The following FYCO1 variants were observed in gnomAD, a reference collection of about 807,000 sequenced individuals.
FYCO1 encodes FYVE and coiled-coil domain autophagy adaptor 1.
Under a neutral mutation model 165.1 loss-of-function variants are expected in FYCO1, and 122 were observed. The ratio of observed to expected loss-of-function variants is 0.74; its 90% CI spans 0.64 to 0.86. The LOEUF is 0.86. Ranked by LOEUF, FYCO1 falls within the 40% of genes least tolerant of loss-of-function variation. The probability of loss-of-function intolerance (pLI) is 0.00; values close to 1 mark genes in which losing one functional copy is unlikely to be tolerated. For synonymous variants in FYCO1, 648 were observed against 742.5 expected, an observed-to-expected ratio of 0.87 and a Z score of 2.07; for missense variants, 1,702 against 1,810.3, an observed-to-expected ratio of 0.94 and a Z score of 1.09.
intron 14 of FYCO1, among the ~76,000 whole-genome samples, chr3:45,937,992 T>A (rs1325015841): frequency 6.6e-6 from 1 of 152,144 alleles, no homozygotes; most frequent in Non-Finnish European, 1.5e-5. Context: ...CAGGCCTGCT[T>A]TTGTTTGCTT....
intron 14 of FYCO1, among the ~76,000 whole-genome samples, chr3:45,942,652 T>G (rs1267125100): frequency 6.6e-6 from 1 of 152,192 alleles, no homozygotes; most frequent in African/African-American, 2.4e-5. Flanking sequence ...ATGCCTCCAA[T>G]TCCTGCCTTC....
intron 10 of FYCO1, among the ~76,000 whole-genome samples, chr3:45,963,727 C>T (rs1705832281): frequency 1.3e-5 from 2 of 152,214 alleles, no homozygotes; most frequent in Non-Finnish European, 2.9e-5. Context: ...CCCATGACCA[C>T]ATGGTGGACT....
chr3:45,971,299 GA>G (rs367601131), intron 6 of FYCO1, among the ~76,000 whole-genome samples: 268 of 152,292 alleles, frequency 1.8e-3, no homozygotes, highest in African/African-American at 6.1e-3. Flanking sequence ...AATGGAGTTA[GA>G]AAATCACTCT....
Position 45,964,529 on chromosome 3 carries a change from C to T in FYCO1, c.3151-75G>A. The T allele has an allele frequency of 1.3e-6, 2 of 1,596,454 alleles. No homozygotes were observed. Among genetic ancestry groups the T allele is most frequent in the Non-Finnish European group, 1.7e-6 (2 of 1,172,224 alleles). ...AACGTACCATAAAGTGGCTGGTGTG[C>T]CATCCACCCCATCTGGCTGGGTCAC... On this transcript the variant is annotated intron_variant, in intron 9 of 17. Coordinates refer to ENST00000296137, the MANE Select transcript of FYCO1 (RefSeq NM_024513.4). The surrounding 1 kb of genome is among the most constrained non-coding windows in gnomAD (Gnocchi z 4.1).
In FYCO1 at chr3:45,967,124, C is replaced by T. The variant is rs1163626388; in HGVS notation, c.2210G>A (p.Cys737Tyr). 1.2e-6 allele frequency: 2 copies of T among 1,613,772 alleles called. No homozygotes were observed. Among genetic ancestry groups the T allele is most frequent in the Non-Finnish European group, 1.7e-6 (2 of 1,179,888 alleles). The change falls in exon 8 of 18, where the codon TGC (cysteine) becomes TAC (tyrosine). Residue 737 changes from cysteine to tyrosine, a missense_variant. Cys to Tyr is a radical substitution (Grantham distance 194, BLOSUM62 -2). Transcript: ENST00000296137. ...HRELRALESQ[C>Y]QQQTQLIEVL... ...CTCAATCAGCTGGGTCTGCTGCTGG[C>T]ACTGGCTCTCGAGAGCCCTAAGCTC...
chr3:45,935,615 T>G (rs914137569), intron 15 of FYCO1, among the ~76,000 whole-genome samples: 6 of 152,352 alleles, frequency 3.9e-5, no homozygotes, highest in Non-Finnish European at 7.3e-5. Flanking sequence ...TCTTATCTTC[T>G]TACTGTCACT....
intron 14 of FYCO1, among the ~76,000 whole-genome samples, chr3:45,944,196 CTG>C (rs10562426): frequency 0.16 from 23,628 of 149,474 alleles, 6,059 homozygotes; most frequent in African/African-American, 0.54. Flanking sequence ...GCGTGTGTGT[CTG>C]TGTGTGTGTG....
intron 16 of FYCO1, among the ~76,000 whole-genome samples, chr3:45,926,467 C>T (rs1218322163): frequency 5.3e-5 from 8 of 152,134 alleles, no homozygotes; most frequent in African/African-American, 1.2e-4. Context: ...TAATCCTAAA[C>T]GTTTATGCCC....
At chr3:45,992,338 A>G (rs996483988) in intron 1 of FYCO1, among the ~76,000 whole-genome samples, 4 of 152,270 alleles carry the variant, frequency 2.6e-5, no homozygotes, top group South Asian at 2.1e-4. Context: ...AGGTGGGGCC[A>G]TGCTGCAGAT....
intron 15 of FYCO1, among the ~76,000 whole-genome samples, chr3:45,934,927 A>G (rs1420688510): frequency 1.3e-5 from 2 of 152,256 alleles, no homozygotes; most frequent in Non-Finnish European, 2.9e-5. Context: ...TACATTCTGC[A>G]GCCAAGTTGC....
At chr3:45,991,947 A>G (rs1445447664) in intron 1 of FYCO1, among the ~76,000 whole-genome samples, 1 of 152,192 alleles carries the variant, frequency 6.6e-6, no homozygotes, top group East Asian at 1.9e-4. Context: ...TTCTGGACAC[A>G]CACAAGAGAT....
chr3:45,925,717 T>C (rs1225668580), intron 16 of FYCO1, among the ~76,000 whole-genome samples: 4 of 152,038 alleles, frequency 2.6e-5, no homozygotes, highest in Non-Finnish European at 5.9e-5. Context: ...AACATTCAGT[T>C]ACACTGGGGT....
At chr3:45,931,388 G>T in intron 15 of FYCO1, 107 bp from the exon 16 acceptor site, 1 of 1,018,384 alleles carries the variant, frequency 9.8e-7, no homozygotes, top group Non-Finnish European at 1.5e-6. Flanking sequence ...GGAGACTCTT[G>T]AGAGGACAAG....
chr3:45,967,288 C>T lies in FYCO1; in HGVS notation c.2046G>A (p.Leu682=). The change falls in exon 8 of 18, where the codon CTG becomes CTA. Residue 682 remains leucine (L), a synonymous_variant. Transcript: ENST00000296137. ...HLGDQMEASL[L]AVRKAKEAMK... ...TGGCCTCCTTGGCCTTCCTTACAGCCAGCAAGCTCGCCTCCATCTGGTCAC... is the reference window on the plus strand; with the variant it reads ...TGGCCTCCTTGGCCTTCCTTACAGCTAGCAAGCTCGCCTCCATCTGGTCAC... The T allele has an allele frequency of 6.2e-7, 1 of 1,613,994 alleles. No homozygotes were observed. Among genetic ancestry groups the T allele is most frequent in the East Asian group, 2.2e-5 (1 of 44,880 alleles).
intron 14 of FYCO1, chr3:45,946,586 CT>C (rs1228936752): frequency 6.2e-7 from 1 of 1,614,192 alleles, no homozygotes; most frequent in Non-Finnish European, 8.5e-7. Context: ...TCTTTCTGCC[CT>C]GCATGTACCT....
chr3:45,934,381 T>A (rs1446900661), intron 15 of FYCO1, among the ~76,000 whole-genome samples: 1 of 152,022 alleles, frequency 6.6e-6, no homozygotes, highest in African/African-American at 2.4e-5. Context: ...AAGAAAAAAC[T>A]TGAAAGCAGG....
At chr3:45,950,612 C>T (rs918174973) in intron 14 of FYCO1, among the ~76,000 whole-genome samples, 2 of 152,146 alleles carry the variant, frequency 1.3e-5, no homozygotes, top group Non-Finnish European at 2.9e-5. Flanking sequence ...GCTGCCTAGT[C>T]CTTGTTGGTC....
At chr3:45,975,450 G>T in intron 4 of FYCO1, 105 bp from the exon 5 acceptor site, 1 of 818,754 alleles carries the variant, frequency 1.2e-6, no homozygotes, top group Non-Finnish European at 2.1e-6. Flanking sequence ...GGCAAAAAAT[G>T]TCACCCAATT....
intron 1 of FYCO1, among the ~76,000 whole-genome samples, chr3:45,990,835 G>A (rs1383534220): frequency 6.6e-6 from 1 of 152,080 alleles, no homozygotes; most frequent in Non-Finnish European, 1.5e-5. Flanking sequence ...GCAGTGGCGC[G>A]ATCTCAGCTC....
Sources: gnomAD v4.1 joint callset for allele counts (sites outside exome capture counted in the v4.1 genomes callset) on GRCh38, gnomAD v4.1.1 for gene constraint, Gnocchi (gnomAD v3.1) non-coding constraint, MANE v1.5 for transcripts, NCBI Gene and HGNC (gene_info 2026-07-23, HGNC 2026-07-21) for gene names.